The following SPNS3 variants were observed in gnomAD, a reference collection of about 807,000 sequenced individuals.
The protein encoded by SPNS3 is SPNS lysolipid transporter 3, sphingosine-1-phosphate (putative).
A neutral mutation model predicts 54.4 loss-of-function variants in SPNS3; 51 were observed. The ratio of observed to expected loss-of-function variants is 0.94; its 90% CI spans 0.75 to 1.18. SPNS3 has a LOEUF of 1.18. Among genes scored for constraint, SPNS3 ranks in the 50% most tolerant of loss-of-function variants. The pLI, the probability that SPNS3 is intolerant of heterozygous loss-of-function variation, is 0.00. For missense variants in SPNS3, 669 were observed against 677.4 expected (o/e 0.99, Z 0.14); for synonymous variants, 309 against 294.7 (o/e 1.05, Z -0.50).
At chr17:4,449,417 G>C (rs369096573) in intron 7 of SPNS3, 30 bp downstream of exon 7, 188 of 1,550,760 alleles carry the variant, frequency 1.2e-4, no homozygotes, top group Non-Finnish European at 1.6e-4. Context: ...CTGGGCACCT[G>C]GCCCGGCTCG....
At chr17:4,450,134 G>A (rs1971118569) in intron 7 of SPNS3, among the ~76,000 whole-genome samples, 1 of 151,494 alleles carries the variant, frequency 6.6e-6, no homozygotes, top group Admixed American at 6.6e-5. Flanking sequence ...GTCCTGGTGG[G>A]TCCTGGGGGC....
At position 4,483,672 on chromosome 17, in the gene SPNS3, A is replaced by T. The variant is rs1465958870; in HGVS notation, c.1180-2556A>T. 6.6e-6 allele frequency: 1 copy of T among 152,208 alleles called. No individual in the cohort carries two copies. Among genetic ancestry groups the T allele is most frequent in the Non-Finnish European group, 1.5e-5 (1 of 68,048 alleles). The allele number at this position is 152,208 out of a possible 1,614,324, so 9.4% of individuals were successfully genotyped here. A position where few individuals can be genotyped will look rare whatever the true frequency, so the allele number is the denominator to read the frequency against. On this transcript the variant is annotated intron_variant, in intron 9 of 11. Coordinates refer to ENST00000355530, the MANE Select transcript of SPNS3 (RefSeq NM_182538.5). The surrounding 1 kb of genome is among the most constrained non-coding windows in gnomAD (Gnocchi z 4.2). ...TCACATAATTATGGGGTGAGAAGGAAGTCCTTGGGGAAGGTGCAAAGCTGT... is the reference window on the plus strand; with the variant it reads ...TCACATAATTATGGGGTGAGAAGGATGTCCTTGGGGAAGGTGCAAAGCTGT...
intron 1 of SPNS3, among the ~76,000 whole-genome samples, chr17:4,437,070 TG>T (rs1230285876): frequency 6.6e-6 from 1 of 152,156 alleles, no homozygotes; most frequent in East Asian, 1.9e-4. Flanking sequence ...GTGGTTACTG[TG>T]GGGATAGAGA....
chr17:4,467,519 G>A (rs141637045), intron 8 of SPNS3, among the ~76,000 whole-genome samples: 4 of 152,072 alleles, frequency 2.6e-5, no homozygotes, highest in Non-Finnish European at 4.4e-5. Flanking sequence ...CCGTGTGGCC[G>A]TTCACCCTCC....
chr17:4,440,593 C>T (rs552212019), intron 2 of SPNS3, among the ~76,000 whole-genome samples: 2 of 152,232 alleles, frequency 1.3e-5, no homozygotes, highest in Non-Finnish European at 1.5e-5. Flanking sequence ...AGCCTGTGGT[C>T]GGCCTGTGGT....
intron 2 of SPNS3, among the ~76,000 whole-genome samples, chr17:4,443,899 G>A (rs1242642265): frequency 6.6e-6 from 1 of 152,282 alleles, no homozygotes; most frequent in Admixed American, 6.5e-5. Context: ...CCAGGAGTTC[G>A]AGACCAGCCT....
At chr17:4,485,907 C>T (rs573544698) in intron 9 of SPNS3, among the ~76,000 whole-genome samples, 2 of 152,360 alleles carry the variant, frequency 1.3e-5, no homozygotes, top group Admixed American at 1.3e-4. Flanking sequence ...TCCTGGGCCC[C>T]TGAGCTGGGA....
At chr17:4,441,982 A>ATGTGTG (rs1567553739) in intron 2 of SPNS3, among the ~76,000 whole-genome samples, 1 of 27,086 alleles carries the variant, frequency 3.7e-5, no homozygotes, top group African/African-American at 1.7e-4. Flanking sequence ...ACGGAGGGAG[A>ATGTGTG]AGTGTGTGTG....
intron 9 of SPNS3, among the ~76,000 whole-genome samples, chr17:4,481,497 C>T (rs940567030): frequency 1.1e-4 from 17 of 152,060 alleles, no homozygotes; most frequent in African/African-American, 1.4e-4. Flanking sequence ...GGCACGTTCA[C>T]GTGAACAGCT....
chr17:4,459,299 G>T (rs534478296), intron 8 of SPNS3, among the ~76,000 whole-genome samples: 1 of 152,308 alleles, frequency 6.6e-6, no homozygotes. Flanking sequence ...GTGGACAGGT[G>T]GGTGAGGTAA....
At chr17:4,442,784 C>G (rs182385020) in intron 2 of SPNS3, among the ~76,000 whole-genome samples, 1 of 152,306 alleles carries the variant, frequency 6.6e-6, no homozygotes, top group Admixed American at 6.5e-5. Context: ...GATGATGAAA[C>G]TGAGGCTCAG....
At chr17:4,458,867 G>C (rs1464169384) in intron 8 of SPNS3, among the ~76,000 whole-genome samples, 1 of 151,682 alleles carries the variant, frequency 6.6e-6, no homozygotes, top group South Asian at 2.1e-4. Flanking sequence ...CAAAAGCCTC[G>C]CATGGCTCCC....
At chr17:4,452,265 T>G (rs953364426) in intron 7 of SPNS3, among the ~76,000 whole-genome samples, 24 of 152,130 alleles carry the variant, frequency 1.6e-4, no homozygotes, top group African/African-American at 5.8e-4. Context: ...GCTGGATGAT[T>G]TAAAAATTTT....
At chr17:4,453,558 C>T (rs982144538) in intron 8 of SPNS3, among the ~76,000 whole-genome samples, 4 of 152,040 alleles carry the variant, frequency 2.6e-5, no homozygotes. Flanking sequence ...GTGGAGGTTG[C>T]AGTGAGCTGA....
rs200186002 is a variant in SPNS3, at chr17:4,448,215, C to T, written c.682C>T (p.Pro228Ser). The T allele has an allele frequency of 7.4e-5, 119 of 1,604,002 alleles. No individual in the cohort carries two copies. Among genetic ancestry groups the T allele is most frequent in the Non-Finnish European group, 2.0e-5 (24 of 1,175,448 alleles). The change falls in exon 6 of 12, where the codon CCC becomes TCC. Residue 228 changes from proline to serine, a missense_variant. Physicochemically the swap from Pro to Ser is moderately conservative, Grantham distance 74 (BLOSUM62 -1). Transcript: ENST00000355530. ...ILLILLVPDPPRGAAETQGEG... is the reference protein window; with the variant it reads ...ILLILLVPDPSRGAAETQGEG... ...GCTTATCCTGCTGGTTCCAGACCCA[C>T]CCCGGGGAGCTGCCGAGACACAGGG...
intron 9 of SPNS3, among the ~76,000 whole-genome samples, chr17:4,480,431 G>T (rs993156350): frequency 3.9e-5 from 6 of 152,214 alleles, no homozygotes; most frequent in African/African-American, 1.4e-4. Flanking sequence ...GGCTCAGGGA[G>T]ATTAACATCC....
rs200536641 is a variant in SPNS3 at position 4,478,529 on chromosome 17, C to T, written c.1114-43C>T. The stretch of plus-strand genomic sequence containing the variant: ...GGGAAGCAACAGGTGGGGTTGGTGA[C>T]TGGGATCTGGGAATCCTCACCCAGG... On this transcript the variant is annotated intron_variant, in intron 8 of 11. Coordinates refer to ENST00000355530, the MANE Select transcript of SPNS3 (RefSeq NM_182538.5). 286 of 1,545,072 alleles carry T rather than the reference C, an allele frequency of 1.9e-4. No individual in the cohort carries two copies. In the African/African-American group the frequency reaches 3.6e-3, roughly 19 times the overall value.
At chr17:4,449,551 C>T (rs986554124) in intron 7 of SPNS3, among the ~76,000 whole-genome samples, 164 bp downstream of exon 7, 14 of 152,124 alleles carry the variant, frequency 9.2e-5, no homozygotes, top group Admixed American at 3.3e-4. Context: ...AGGCCTGGCT[C>T]TGGCTCTGGC....
At chr17:4,437,676 T>TGAATA (rs1970747093) in intron 1 of SPNS3, among the ~76,000 whole-genome samples, 1 of 150,380 alleles carries the variant, frequency 6.6e-6, no homozygotes, top group South Asian at 2.1e-4. Context: ...CAAAAATAAA[T>TGAATA]AAATAAAATA....
Sources: gnomAD v4.1 joint callset for allele counts (sites outside exome capture counted in the v4.1 genomes callset) on GRCh38, gnomAD v4.1.1 for gene constraint, Gnocchi (gnomAD v3.1) non-coding constraint, MANE v1.5 for transcripts, NCBI Gene and HGNC (gene_info 2026-07-23, HGNC 2026-07-21) for gene names.